FGF13: variants seen among roughly 807,000 people sequenced by gnomAD.
FGF13 encodes fibroblast growth factor homologous factor 2.
In FGF13, 2 loss-of-function variants were observed where a neutral mutation model predicts 19.5. The ratio of observed to expected loss-of-function variants is 0.10; its 90% CI spans 0.04 to 0.32. The LOEUF (loss-of-function observed/expected upper bound fraction) is 0.32, where lower values mean the gene tolerates loss of function less well. Among genes scored for constraint, FGF13 ranks in the 10% least tolerant of loss-of-function variants. The pLI is 1.00. For synonymous variants in FGF13, 72 were observed against 76.9 expected (o/e 0.94, Z 0.33); for missense variants, 113 against 192.7 (o/e 0.59, Z 2.45).
intron 1 of FGF13, among the ~76,000 whole-genome samples, chrX:139,178,633 TGAGA>T (rs776977833): frequency 2.7e-5 from 3 of 112,413 alleles, no homozygotes; most frequent in Non-Finnish European, 5.6e-5. Flanking sequence ...ATTGTGATTA[TGAGA>T]GACAAGATAT....
At chrX:139,141,914 C>T (rs147395276) in intron 1 of FGF13, among the ~76,000 whole-genome samples, 373 of 112,022 alleles carry the variant, frequency 3.3e-3, no homozygotes, top group Non-Finnish European at 5.4e-3. Context: ...ATCACATTAA[C>T]ATCTATGAAA....
rs1250601172 is a variant in FGF13 at position 139,078,705 on chromosome X, C to T, written c.-113+124711G>A. Reference sequence around the variant, plus strand: ...GTTCAGAGGACTTTTTCAGTTCAAACGTTCTCTCATAATGGCAAATCAATC... The same window carrying T: ...GTTCAGAGGACTTTTTCAGTTCAAATGTTCTCTCATAATGGCAAATCAATC... On this transcript the variant is annotated intron_variant, in intron 1 of 2. Transcript: ENST00000421460. Among the ~76,000 whole-genome samples the T allele has an allele frequency of 3.6e-5, 4 of 112,566 alleles. No individual in the cohort carries two copies. In the East Asian group the frequency reaches 8.4e-4, roughly 24 times the overall value.
At chrX:138,707,374 A>C (rs932644922) in intron 2 of FGF13, among the ~76,000 whole-genome samples, 1 of 111,243 alleles carries the variant, frequency 9.0e-6, no homozygotes, top group Non-Finnish European at 1.9e-5. Flanking sequence ...ACGTGACTGG[A>C]TAGGCTCACT....
At chrX:138,683,748 G>A (rs2089752228) in intron 3 of FGF13, among the ~76,000 whole-genome samples, 1 of 111,432 alleles carries the variant, frequency 9.0e-6, no homozygotes, top group African/African-American at 3.3e-5. Context: ...ACATTCATTT[G>A]TTATATGAGT....
At chrX:139,048,301 T>C (rs2092294113) in intron 1 of FGF13, among the ~76,000 whole-genome samples, 1 of 111,370 alleles carries the variant, frequency 9.0e-6, no homozygotes, top group South Asian at 3.7e-4. Flanking sequence ...GGATCTGTAT[T>C]CTCCATTCTG....
intron 3 of FGF13, among the ~76,000 whole-genome samples, chrX:138,759,392 G>C (rs1290187268): frequency 8.9e-6 from 1 of 112,500 alleles, no homozygotes; most frequent in African/African-American, 3.2e-5. Flanking sequence ...AGTAAGCAAA[G>C]CAGGGCATTG....
intron 1 of FGF13, among the ~76,000 whole-genome samples, chrX:138,865,303 C>G (rs1442901816): frequency 8.9e-6 from 1 of 111,808 alleles, no homozygotes; most frequent in Non-Finnish European, 1.9e-5. Flanking sequence ...AACAGAAACA[C>G]CTGGCTGGGG....
In FGF13 at chrX:138,632,989, G is replaced by A. The variant is rs1457331795; in HGVS notation, c.602-3C>T. The A allele has an allele frequency of 8.3e-7, 1 of 1,205,040 alleles. No individual in the cohort carries two copies. The highest frequency in any genetic ancestry group is 1.1e-6 in the Non-Finnish European group (1 of 891,430). ...TGATGGCTCCTTGTACATGGCCACTGAAAAGCACACAAAGATGGTGTAAAA... is the reference window on the plus strand; with the variant it reads ...TGATGGCTCCTTGTACATGGCCACTAAAAAGCACACAAAGATGGTGTAAAA... On this transcript the variant is annotated splice_polypyrimidine_tract_variant and splice_region_variant and intron_variant, in intron 4 of 4. Transcript: ENST00000315930.
intron 3 of FGF13, among the ~76,000 whole-genome samples, chrX:138,656,214 G>C (rs2089435863): frequency 9.0e-6 from 1 of 111,625 alleles, no homozygotes; most frequent in Non-Finnish European, 1.9e-5. Flanking sequence ...AGAAGGAGCT[G>C]CTGTTTAGTA....
chrX:138,757,266 C>T (rs531350352), intron 3 of FGF13, among the ~76,000 whole-genome samples: 101 of 110,093 alleles, frequency 9.2e-4, no homozygotes, highest in Middle Eastern at 4.7e-3. Context: ...TTCCCACCTC[C>T]CCACCCTTTG....
upstream of FGF13, among the ~76,000 whole-genome samples, chrX:138,741,821 A>G (rs2090320358): frequency 8.9e-6 from 1 of 112,037 alleles, no homozygotes; most frequent in African/African-American, 3.2e-5. Flanking sequence ...TCTATTTAGC[A>G]TTATGTGGTG....
chrX:138,754,564 C>T (rs1028848950), intron 3 of FGF13, among the ~76,000 whole-genome samples: 12 of 111,402 alleles, frequency 1.1e-4, no homozygotes, highest in African/African-American at 3.6e-4. Flanking sequence ...GGACCTGAGA[C>T]TTCTGTCCTT....
intron 3 of FGF13, among the ~76,000 whole-genome samples, chrX:138,812,878 G>T (rs1210289940): frequency 9.1e-6 from 1 of 110,492 alleles, no homozygotes; most frequent in African/African-American, 3.3e-5. Flanking sequence ...GCCCTGGCGT[G>T]TATTGTTCCC....
Position 138,668,505 on chromosome X carries a change from T to G in FGF13, c.403-32850A>C, listed in dbSNP as rs1237541213. Among the ~76,000 whole-genome samples, 3 of 110,279 alleles carry G rather than the reference T, an allele frequency of 2.7e-5. No homozygotes were observed. In the Admixed American group the frequency reaches 2.9e-4, roughly 11 times the overall value. ...CTATTTCAGAGATAGAGACAATGAC[T>G]CCATTGTTGGTTATTTTGAGTTTAA... On this transcript the variant is annotated intron_variant, in intron 3 of 4. Transcript: ENST00000315930.
chrX:138,793,296 A>G (rs2124375426), intron 3 of FGF13, among the ~76,000 whole-genome samples: 1 of 112,014 alleles, frequency 8.9e-6, no homozygotes, highest in South Asian at 3.8e-4. Flanking sequence ...TACGGCAACC[A>G]CAGGAAACTA....
At chrX:138,932,703 A>AGTGTGTGTGTGTGT (rs57793547) in intron 1 of FGF13, among the ~76,000 whole-genome samples, 41 of 90,299 alleles carry the variant, frequency 4.5e-4, no homozygotes, top group South Asian at 1.3e-3. Flanking sequence ...TCAGGAGTGT[A>AGTGTGTGTGTGTGT]GTGTGTGTGT....
chrX:138,682,787 A>G (rs948250068), intron 3 of FGF13, among the ~76,000 whole-genome samples: 3 of 112,139 alleles, frequency 2.7e-5, no homozygotes, highest in African/African-American at 9.7e-5. Flanking sequence ...TATTTGTATT[A>G]CTGTAAAATG....
rs761939513 is a variant in FGF13 at position 138,976,497 on chromosome X, G to C, written c.-112-111847C>G. Among the ~76,000 whole-genome samples, 6 of 111,105 alleles carry C rather than the reference G, an allele frequency of 5.4e-5. No homozygotes were observed. The South Asian group carries it at 2.3e-3, about 43-fold the overall frequency. On this transcript the variant is annotated intron_variant, in intron 1 of 2. Coordinates refer to the FGF13 transcript ENST00000421460. ...TGCTTATAAGTTAAAACTAAGTTATGAGCATACAAAGGCATACAGAGCAAT... is the reference window on the plus strand; with the variant it reads ...TGCTTATAAGTTAAAACTAAGTTATCAGCATACAAAGGCATACAGAGCAAT...
rs932261242 is a variant in FGF13 at position 139,011,686 on chromosome X, C to A, written c.-112-147036G>T. ...GCAAAATCGGCATAGAAGCAACATACCTTAACAAATAAAAGCCATCTAAAA... is the reference window on the plus strand; with the variant it reads ...GCAAAATCGGCATAGAAGCAACATAACTTAACAAATAAAAGCCATCTAAAA... On this transcript the variant is annotated intron_variant, in intron 1 of 2. Coordinates refer to the FGF13 transcript ENST00000421460. Among the ~76,000 whole-genome samples the A allele has an allele frequency of 3.6e-5, 4 of 111,585 alleles. No homozygotes were observed. The East Asian group carries it at 1.1e-3, about 31-fold the overall frequency.
Sources: allele counts gnomAD v4.1 joint callset (sites outside exome capture counted in the v4.1 genomes callset), GRCh38; gene constraint gnomAD v4.1.1; transcripts MANE v1.5; gene names NCBI Gene and HGNC (gene_info 2026-07-23, HGNC 2026-07-21).